Variants in ZBTB7C observed in about 807,000 individuals in gnomAD.
ZBTB7C encodes zinc finger and BTB domain-containing protein 7C.
In ZBTB7C, 8 loss-of-function variants were observed where a neutral mutation model predicts 25.7. The ratio of observed to expected loss-of-function variants is 0.31; its 90% CI spans 0.18 to 0.56. ZBTB7C has a LOEUF of 0.56. Among genes scored for constraint, ZBTB7C ranks in the 20% least tolerant of loss-of-function variants. ZBTB7C has a pLI of 0.91. For synonymous variants in ZBTB7C, 394 were observed against 369.0 expected, an observed-to-expected ratio of 1.07 and a Z score of -0.78; for missense variants, 824 against 855.2, an observed-to-expected ratio of 0.96 and a Z score of 0.46.
chr18:48,136,754 C>T (rs2040179495), intron 3 of ZBTB7C, among the ~76,000 whole-genome samples: 1 of 152,152 alleles, frequency 6.6e-6, no homozygotes, highest in Non-Finnish European at 1.5e-5. Context: ...GGTGCGTGGC[C>T]CCACGCCCCG....
At chr18:48,089,996 G>A (rs543357150) in intron 3 of ZBTB7C, among the ~76,000 whole-genome samples, 1 of 152,252 alleles carries the variant, frequency 6.6e-6, no homozygotes, top group Non-Finnish European at 1.5e-5. Context: ...AAGGAGGTGG[G>A]AGTGTGGTCC....
At chr18:48,165,141 T>A (rs536191960) in intron 3 of ZBTB7C, 2 of 1,289,630 alleles carry the variant, frequency 1.6e-6, no homozygotes, top group African/African-American at 3.0e-5. Context: ...CAACCCTTCA[T>A]TTTACAGAGG....
intron 3 of ZBTB7C, among the ~76,000 whole-genome samples, chr18:48,094,323 G>C (rs2144571749): frequency 6.6e-6 from 1 of 152,276 alleles, no homozygotes; most frequent in East Asian, 1.9e-4. Context: ...CTAATGTTGG[G>C]GGTGGTGGCA....
intron 3 of ZBTB7C, chr18:48,087,535 A>G (rs1170160803): frequency 1.3e-5 from 2 of 152,184 alleles, no homozygotes; most frequent in Non-Finnish European, 2.9e-5. Flanking sequence ...GGTAATCCCC[A>G]CGCCTGGGGA....
At chr18:48,336,693 C>T (rs1193042072) in intron 2 of ZBTB7C, among the ~76,000 whole-genome samples, 8 of 152,068 alleles carry the variant, frequency 5.3e-5, no homozygotes, top group African/African-American at 7.2e-5. Context: ...GCATGTTGCC[C>T]GTTAGCCTCC....
At position 48,036,788 on chromosome 18, in the gene ZBTB7C, G is replaced by C. The variant is rs1275905179; in HGVS notation, c.1208+3112C>G. Among the ~76,000 whole-genome samples the C allele has an allele frequency of 1.4e-4, 22 of 152,156 alleles. 1 individual carries two copies. The highest frequency in any genetic ancestry group is 1.4e-3 in the Admixed American group (22 of 15,274). On this transcript the variant is annotated intron_variant, in intron 4 of 4. Coordinates refer to ENST00000590800, the MANE Select transcript of ZBTB7C (RefSeq NM_001318841.2). ...GCTGAAGAGCTTCCAGGTGGAAGGG[G>C]CAGGTGTTAGGAATCGCGTTGGGGA...
chr18:48,108,330 G>A (rs1372069263), intron 3 of ZBTB7C, among the ~76,000 whole-genome samples: 2 of 152,200 alleles, frequency 1.3e-5, no homozygotes, highest in Non-Finnish European at 2.9e-5. Context: ...TGGCGAGGGC[G>A]GGGAGGCGAG....
chr18:48,049,817 A>G (rs1283114869), intron 3 of ZBTB7C, among the ~76,000 whole-genome samples: 1 of 152,128 alleles, frequency 6.6e-6, no homozygotes, highest in African/African-American at 2.4e-5. Context: ...ATGATCCACA[A>G]GTCTGGTGCC....
intron 3 of ZBTB7C, among the ~76,000 whole-genome samples, chr18:48,058,691 G>A (rs1292036125): frequency 6.6e-6 from 1 of 152,186 alleles, no homozygotes; most frequent in African/African-American, 2.4e-5. Flanking sequence ...GTCCCCTCCT[G>A]CATTGTATCA....
intron 3 of ZBTB7C, among the ~76,000 whole-genome samples, chr18:48,183,439 A>T (rs184666479): frequency 7.0e-4 from 107 of 152,314 alleles, no homozygotes; most frequent in African/African-American, 2.5e-3. Flanking sequence ...GAGCCTTGAG[A>T]CGATACTGTC....
At chr18:48,179,305 A>G (rs2041799757) in intron 3 of ZBTB7C, among the ~76,000 whole-genome samples, 1 of 152,230 alleles carries the variant, frequency 6.6e-6, no homozygotes, top group East Asian at 1.9e-4. Context: ...GGGATCCTGC[A>G]TGGCTGAGCA....
chr18:48,411,516 A>G (rs1324934887), upstream of ZBTB7C, among the ~76,000 whole-genome samples: 3 of 152,240 alleles, frequency 2.0e-5, no homozygotes, highest in South Asian at 4.1e-4. Flanking sequence ...AAGGGTTTTC[A>G]GTTACTTGGA....
intron 3 of ZBTB7C, among the ~76,000 whole-genome samples, chr18:48,109,095 C>G (rs2039139503): frequency 6.6e-6 from 1 of 152,074 alleles, no homozygotes; most frequent in Non-Finnish European, 1.5e-5. Flanking sequence ...CCACACAGCT[C>G]CCAGTTGTGG....
At chr18:48,280,007 C>T (rs906247263) in intron 2 of ZBTB7C, among the ~76,000 whole-genome samples, 2 of 152,184 alleles carry the variant, frequency 1.3e-5, no homozygotes, top group African/African-American at 4.8e-5. Flanking sequence ...TTTTATTGAG[C>T]ATCTACTATG....
intron 3 of ZBTB7C, among the ~76,000 whole-genome samples, chr18:48,066,501 G>A (rs1370740642): frequency 1.3e-5 from 2 of 152,198 alleles, no homozygotes; most frequent in Non-Finnish European, 2.9e-5. Flanking sequence ...ATGGCATTAA[G>A]TGTGCAAATG....
At chr18:48,081,430 T>G (rs563874668) in intron 3 of ZBTB7C, among the ~76,000 whole-genome samples, 1 of 151,568 alleles carries the variant, frequency 6.6e-6, no homozygotes, top group Non-Finnish European at 1.5e-5. Context: ...TCATTCTAAA[T>G]GATTTCTTTT....
At chr18:48,076,416 G>A (rs1010038212) in intron 3 of ZBTB7C, among the ~76,000 whole-genome samples, 1 of 152,180 alleles carries the variant, frequency 6.6e-6, no homozygotes, top group South Asian at 2.1e-4. Context: ...CTAGAGGAGG[G>A]TAAGGGGAGG....
chr18:48,279,925 G>A (rs1029399179), intron 2 of ZBTB7C, among the ~76,000 whole-genome samples: 4 of 152,222 alleles, frequency 2.6e-5, no homozygotes, highest in East Asian at 1.9e-4. Flanking sequence ...GAGCAGATGC[G>A]AGTCATTCAA....
chr18:48,393,843 G>A (rs16949171), intron 1 of ZBTB7C, among the ~76,000 whole-genome samples: 8,254 of 152,220 alleles, frequency 0.054, 261 homozygotes, highest in Non-Finnish European at 0.074. Context: ...TCAGGAAGAC[G>A]AGACCCTCCC....
Sources: allele counts gnomAD v4.1 joint callset (sites outside exome capture counted in the v4.1 genomes callset), GRCh38; gene constraint gnomAD v4.1.1; transcripts MANE v1.5; gene names NCBI Gene and HGNC (gene_info 2026-07-23, HGNC 2026-07-21).